Variants in KANK4 observed in about 807,000 individuals in gnomAD.
The protein encoded by KANK4 is KN motif and ankyrin repeat domain-containing protein 4.
A neutral mutation model predicts 80.8 loss-of-function variants in KANK4; 50 were observed. The ratio of observed to expected loss-of-function variants is 0.62; its 90% confidence interval spans 0.49 to 0.78. The LOEUF is 0.78. Ranked by LOEUF, KANK4 falls within the 30% of genes least tolerant of loss-of-function variation. The probability of loss-of-function intolerance (pLI) is 0.00; values close to 1 mark genes in which losing one functional copy is unlikely to be tolerated. For synonymous variants in KANK4, 465 were observed against 506.9 expected (o/e 0.92, Z 1.11); for missense variants, 1,196 against 1,240.1 (o/e 0.96, Z 0.53).
chr1:62,278,313 T>TTTTCTTTC (rs10654280), intron 2 of KANK4, among the ~76,000 whole-genome samples: 731 of 36,138 alleles, frequency 0.02, 126 homozygotes, highest in African/African-American at 0.12. Context: ...CTGGGGCACA[T>TTTTCTTTC]TTTCTTTCTT....
intron 1 of KANK4, among the ~76,000 whole-genome samples, chr1:62,298,938 T>A (rs377114169): frequency 1.1e-3 from 172 of 152,322 alleles, no homozygotes; most frequent in African/African-American, 3.9e-3. Flanking sequence ...GTATTATTTT[T>A]TTTTTTCTGT....
At chr1:62,241,277 C>T (rs899853639) in intron 9 of KANK4, among the ~76,000 whole-genome samples, 6 of 152,152 alleles carry the variant, frequency 3.9e-5, no homozygotes, top group Admixed American at 1.3e-4. Context: ...AAGACAGGAA[C>T]AGAGTGAGCT....
intron 2 of KANK4, among the ~76,000 whole-genome samples, chr1:62,278,395 T>TTC (rs1491457094): frequency 1.8e-5 from 1 of 55,948 alleles, no homozygotes. Context: ...CTTTCTTTCT[T>TTC]TCTTTTTTTT....
chr1:62,307,542 G>A (rs1283519361), intron 1 of KANK4, among the ~76,000 whole-genome samples: 2 of 148,912 alleles, frequency 1.3e-5, no homozygotes, highest in African/African-American at 2.5e-5. Context: ...CTGATAAACA[G>A]ACTATAATGT....
chr1:62,245,468 T>C (rs965862412), intron 9 of KANK4, among the ~76,000 whole-genome samples: 8 of 152,114 alleles, frequency 5.3e-5, no homozygotes, highest in Non-Finnish European at 8.8e-5. Flanking sequence ...CAGTAAGAGG[T>C]GCTGTCCCTG....
At chr1:62,290,023 G>C (rs1305499491) in intron 1 of KANK4, among the ~76,000 whole-genome samples, 1 of 152,176 alleles carries the variant, frequency 6.6e-6, no homozygotes, top group Non-Finnish European at 1.5e-5. Flanking sequence ...TAAATAGGAT[G>C]ACAATACATG....
Position 62,273,898 on chromosome 1 carries a change from G to GT in KANK4, c.1205dup (p.Asn402LysfsTer16). Reference sequence around the variant, plus strand: ...CCGTCTGGCCCTGAGTGTCTTTGGCGTTCTCTTGGTGAAACTGTCCTTCCA... The same window carrying GT: ...CCGTCTGGCCCTGAGTGTCTTTGGCGTTTCTCTTGGTGAAACTGTCCTTCCA... On this transcript the variant is annotated frameshift_variant, in exon 3 of 10. Coordinates refer to ENST00000371153, the MANE Select transcript of KANK4 (RefSeq NM_181712.5). LOFTEE classifies it high-confidence loss of function. 1 of 1,614,198 alleles carries GT rather than the reference G, an allele frequency of 6.2e-7. No homozygotes were observed. Among genetic ancestry groups the GT allele is most frequent in the South Asian group, 1.1e-5 (1 of 91,086 alleles).
In KANK4 at chr1:62,274,897, C is replaced by T. The variant is rs139247138; in HGVS notation, c.207G>A (p.Leu69=). 754 of 1,614,166 alleles carry T rather than the reference C, an allele frequency of 4.7e-4. No homozygotes were observed. Among genetic ancestry groups the T allele is most frequent in the Non-Finnish European group, 6.0e-4 (705 of 1,180,018 alleles). Residue 69 remains leucine, a synonymous_variant, in exon 3 of 10, where the codon CTG becomes CTA. Transcript: ENST00000371153. ...RRAKQAKFST[L]PRNFSLPDSG... ...TGTCAGGAAGGCTGAAGTTTCGGGG[C>T]AGAGTGCTAAATTTGGCCTGCTTGG...
intron 5 of KANK4, among the ~76,000 whole-genome samples, chr1:62,267,633 C>T (rs1185846411): frequency 6.6e-6 from 1 of 152,038 alleles, no homozygotes; most frequent in Non-Finnish European, 1.5e-5. Flanking sequence ...AACCTCGTCT[C>T]TACTAAAAAA....
intron 7 of KANK4, 37 bp from the exon 8 acceptor site, chr1:62,253,246 A>T: frequency 6.4e-7 from 1 of 1,567,166 alleles, no homozygotes; most frequent in Non-Finnish European, 8.6e-7. Flanking sequence ...AAGGCTCCTG[A>T]GGGGCCAGGA....
At chr1:62,267,482 T>C (rs1672050375) in intron 5 of KANK4, among the ~76,000 whole-genome samples, 1 of 152,146 alleles carries the variant, frequency 6.6e-6, no homozygotes. Context: ...TAAGCTGTGG[T>C]GCCTGGCTGC....
Position 62,281,540 on chromosome 1 carries a change from C to T in KANK4, c.16+9G>A, listed in dbSNP as rs1446756631. On this transcript the variant is annotated intron_variant, in intron 2 of 9. Coordinates refer to ENST00000371153, the MANE Select transcript of KANK4 (RefSeq NM_181712.5). ...TCTTAAACCAGGCCCTACAAAGCAG[C>T]TTGCCTACCATCTGTCTTCTCCATC... is the stretch of plus-strand genomic sequence containing the variant. The T allele has an allele frequency of 3.7e-6, 6 of 1,614,114 alleles. No homozygotes were observed. In the African/African-American group the frequency reaches 6.7e-5, roughly 18 times the overall value.
intron 6 of KANK4, among the ~76,000 whole-genome samples, chr1:62,264,331 C>T (rs1411110404): frequency 1.3e-5 from 2 of 152,150 alleles, no homozygotes; most frequent in South Asian, 2.1e-4. Context: ...GCAGGAGAAT[C>T]GCTTGAACCC....
intron 1 of KANK4, among the ~76,000 whole-genome samples, chr1:62,287,986 T>C (rs2149158328): frequency 6.6e-6 from 1 of 152,288 alleles, no homozygotes; most frequent in Admixed American, 6.5e-5. Flanking sequence ...CTTCAAATGA[T>C]CATTGACTAT....
chr1:62,312,603 G>A (rs1368366885), intron 1 of KANK4, among the ~76,000 whole-genome samples: 1 of 152,152 alleles, frequency 6.6e-6, no homozygotes, highest in Admixed American at 6.5e-5. Flanking sequence ...CTTCACATAG[G>A]ACTCTCTTCT....
intron 1 of KANK4, among the ~76,000 whole-genome samples, chr1:62,304,048 AT>A (rs1266442826): frequency 1.3e-5 from 2 of 151,504 alleles, no homozygotes; most frequent in African/African-American, 2.4e-5. Context: ...TAATTTTTGT[AT>A]TTTTTGGTAG....
intron 6 of KANK4, among the ~76,000 whole-genome samples, chr1:62,263,583 T>C (rs1370437413): frequency 6.6e-6 from 1 of 152,140 alleles, no homozygotes. Flanking sequence ...AGTTTGAGTC[T>C]GCGGGAAGTT....
intron 1 of KANK4, among the ~76,000 whole-genome samples, chr1:62,313,446 C>G (rs1205311258): frequency 1.3e-5 from 2 of 152,186 alleles, no homozygotes; most frequent in Non-Finnish European, 2.9e-5. Flanking sequence ...ATAATGTTCT[C>G]AGGCTCACGG....
chr1:62,316,529 A>C (rs758423359), intron 1 of KANK4, among the ~76,000 whole-genome samples: 19 of 152,246 alleles, frequency 1.2e-4, no homozygotes, highest in Non-Finnish European at 2.8e-4. Context: ...GTACTTAGGC[A>C]GTCATCGCAC....
Sources: allele counts gnomAD v4.1 joint callset (sites outside exome capture counted in the v4.1 genomes callset), GRCh38; gene constraint gnomAD v4.1.1; transcripts MANE v1.5; gene names NCBI Gene and HGNC (gene_info 2026-07-23, HGNC 2026-07-21).